The following FUT9 variants were observed in gnomAD, a reference collection of about 807,000 sequenced individuals.
FUT9 encodes fucosyltransferase 9.
In FUT9, 15 loss-of-function variants were observed where a neutral mutation model predicts 29.7. That is an observed-to-expected ratio of 0.51 (90% CI 0.34 to 0.78). FUT9 has a LOEUF of 0.78. Among genes scored for constraint, FUT9 ranks in the 30% least tolerant of loss-of-function variants. The pLI is 0.01. For missense variants in FUT9, 319 were observed against 425.4 expected (o/e 0.75, Z 2.20); for synonymous variants, 169 against 153.7 (o/e 1.10, Z -0.74).
chr6:96,113,661 G>A (rs534112370), intron 1 of FUT9, among the ~76,000 whole-genome samples: 2 of 151,560 alleles, frequency 1.3e-5, no homozygotes, highest in South Asian at 4.2e-4. Context: ...GACCATCCTG[G>A]CTAACACGGT....
At chr6:96,155,700 G>A (rs933391408) in intron 2 of FUT9, among the ~76,000 whole-genome samples, 1 of 151,392 alleles carries the variant, frequency 6.6e-6, no homozygotes, top group Admixed American at 6.6e-5. Flanking sequence ...GAAAGAAAAA[G>A]AAAAGAAAGA....
chr6:96,137,631 T>C (rs1333602372), intron 2 of FUT9, among the ~76,000 whole-genome samples: 7 of 152,012 alleles, frequency 4.6e-5, no homozygotes, highest in Non-Finnish European at 2.9e-5. Flanking sequence ...AATAACTTGA[T>C]ATGATGTGAT....
chr6:96,117,320 T>G (rs1771930470), intron 2 of FUT9, among the ~76,000 whole-genome samples: 1 of 152,204 alleles, frequency 6.6e-6, no homozygotes, highest in Non-Finnish European at 1.5e-5. Context: ...CAAGGAGAGA[T>G]GGCTAAAATT....
chr6:96,123,545 G>T (rs541367745), intron 2 of FUT9, among the ~76,000 whole-genome samples: 1 of 152,166 alleles, frequency 6.6e-6, no homozygotes, highest in Non-Finnish European at 1.5e-5. Context: ...TCTTTGAAGT[G>T]AGTCTTTTTC....
chr6:96,087,475 T>C (rs567266838), intron 1 of FUT9, among the ~76,000 whole-genome samples: 2 of 150,286 alleles, frequency 1.3e-5, no homozygotes, highest in Non-Finnish European at 3.0e-5. Flanking sequence ...CAAGCAATTA[T>C]CCTGCCTCAG....
intron 2 of FUT9, among the ~76,000 whole-genome samples, chr6:96,143,376 G>T (rs969175955): frequency 2.0e-5 from 3 of 152,136 alleles, no homozygotes; most frequent in African/African-American, 7.2e-5. Flanking sequence ...TACACAGTCC[G>T]AAAGGACTAA....
At chr6:96,090,232 GTATA>G (rs1771388469) in intron 1 of FUT9, among the ~76,000 whole-genome samples, 1 of 151,984 alleles carries the variant, frequency 6.6e-6, no homozygotes, top group Admixed American at 6.6e-5. Flanking sequence ...TTAGCATCTT[GTATA>G]TACTTTTTCT....
chr6:96,203,722 G>T lies in FUT9; in HGVS notation c.567G>T (p.Val189=). The change falls in exon 3 of 3, where the codon GTG becomes GTT. Residue 189 remains valine, a synonymous_variant. Transcript: ENST00000302103. ...AAGTGCCAAGCAAAGAGAAATTGGT[G>T]TGCTGGGTTGTGAGTAACTGGAACC... ...VFEVPSKEKL[V]CWVVSNWNPE... 1 of 1,614,052 alleles carries T rather than the reference G, an allele frequency of 6.2e-7. No individual in the cohort carries two copies. Among genetic ancestry groups the T allele is most frequent in the East Asian group, 2.2e-5 (1 of 44,872 alleles).
chr6:96,109,267 C>T (rs181833694), intron 1 of FUT9, among the ~76,000 whole-genome samples: 9 of 152,288 alleles, frequency 5.9e-5, no homozygotes, highest in African/African-American at 2.2e-4. Context: ...TCAGAGTTCT[C>T]TGAAGCTTCT....
chr6:96,078,425 T>TGA, intron 1 of FUT9, among the ~76,000 whole-genome samples: 1 of 110,114 alleles, frequency 9.1e-6, no homozygotes, highest in Non-Finnish European at 1.9e-5. Flanking sequence ...TTTTTTTTTT[T>TGA]TTTTTTTTTT....
intron 2 of FUT9, among the ~76,000 whole-genome samples, chr6:96,181,871 T>C (rs1434526467): frequency 6.6e-6 from 1 of 152,160 alleles, no homozygotes; most frequent in Admixed American, 6.6e-5. Context: ...CAATTGTGAA[T>C]TGTGCTACTA....
intron 2 of FUT9, among the ~76,000 whole-genome samples, chr6:96,144,307 T>C (rs941441342): frequency 2.0e-5 from 3 of 152,186 alleles, no homozygotes; most frequent in Non-Finnish European, 4.4e-5. Context: ...TAGTTATTCA[T>C]TTAGGGAAAT....
At position 96,204,157 on chromosome 6, in the gene FUT9, A is replaced by G; in HGVS notation, c.1002A>G (p.Ala334=). ...TTCCACGATTTTGGGAATCACATGC[A>G]TGTTTGGCTTGCGATCATGTGAAAA... The part of the protein sequence containing the change: ...VNLPRFWESH[A]CLACDHVKRH... Residue 334 remains alanine, a synonymous_variant, in exon 3 of 3, where the codon GCA becomes GCG. Coordinates refer to ENST00000302103, the MANE Select transcript of FUT9 (RefSeq NM_006581.4). The G allele has an allele frequency of 6.7e-7, 1 of 1,497,076 alleles. No individual in the cohort carries two copies. Among genetic ancestry groups the G allele is most frequent in the South Asian group, 1.4e-5 (1 of 69,144 alleles). The allele number at this position is 1,497,076 out of a possible 1,614,324, so 92.7% of individuals were successfully genotyped here. A position where few individuals can be genotyped will look rare whatever the true frequency, so the allele number is the denominator to read the frequency against.
In FUT9 at chr6:96,052,940, A is replaced by C. The variant is rs1438778773; in HGVS notation, c.-98+36728A>C. On this transcript the variant is annotated intron_variant, in intron 1 of 2. Coordinates refer to ENST00000302103, the MANE Select transcript of FUT9 (RefSeq NM_006581.4). ...AATATAAAAATAAAGTCTTGAAAATAATATTGTGTCTTCACCTTACTGTTT... is the reference window on the plus strand; with the variant it reads ...AATATAAAAATAAAGTCTTGAAAATCATATTGTGTCTTCACCTTACTGTTT... Among the ~76,000 whole-genome samples the C allele has an allele frequency of 3.3e-5, 5 of 152,090 alleles. No homozygotes were observed. In the East Asian group the frequency reaches 9.6e-4, roughly 29 times the overall value.
chr6:96,057,738 G>A (rs1449242614), intron 1 of FUT9, among the ~76,000 whole-genome samples: 2 of 152,144 alleles, frequency 1.3e-5, no homozygotes, highest in African/African-American at 4.8e-5. Context: ...GCCTGCTGTT[G>A]GAGAAAGCTC....
At chr6:96,025,935 G>A (rs1205202048) in intron 1 of FUT9, among the ~76,000 whole-genome samples, 3 of 151,566 alleles carry the variant, frequency 2.0e-5, no homozygotes, top group Admixed American at 6.6e-5. Context: ...CAACATTTTG[G>A]TCCTGTTCCC....
chr6:96,155,237 A>G (rs931259412), intron 2 of FUT9, among the ~76,000 whole-genome samples: 1 of 152,182 alleles, frequency 6.6e-6, no homozygotes, highest in African/African-American at 2.4e-5. Flanking sequence ...AGGGGTAAAA[A>G]AAACGCTCAG....
At chr6:96,024,069 G>A (rs1182380387) in intron 1 of FUT9, among the ~76,000 whole-genome samples, 2 of 151,790 alleles carry the variant, frequency 1.3e-5, no homozygotes, top group African/African-American at 4.8e-5. Flanking sequence ...TGGCCCAAAG[G>A]GCTCCATTCA....
chr6:96,212,605 A>G lies in FUT9; in HGVS notation c.*8370A>G, dbSNP rs528626195. On this transcript the variant is annotated 3_prime_UTR_variant, in exon 3 of 3. Coordinates refer to ENST00000302103, the MANE Select transcript of FUT9 (RefSeq NM_006581.4). ...TGACAATATAAAATGGCATTGTTAT[A>G]GAATCCCTAAAAGGTAAATAATGTA... 6.6e-5 allele frequency: 23 copies of G among 349,410 alleles called. No homozygotes were observed. In the East Asian group the frequency reaches 7.7e-4, roughly 12 times the overall value. The allele number at this position is 349,410 out of a possible 1,614,324, so 21.6% of individuals were successfully genotyped here. A position where few individuals can be genotyped will look rare whatever the true frequency, so the allele number is the denominator to read the frequency against.
Sources: gnomAD v4.1 joint callset for allele counts (sites outside exome capture counted in the v4.1 genomes callset) on GRCh38, gnomAD v4.1.1 for gene constraint, MANE v1.5 for transcripts, NCBI Gene and HGNC (gene_info 2026-07-23, HGNC 2026-07-21) for gene names.